Variants in ITPR2 observed in about 807,000 individuals in gnomAD.
The protein encoded by ITPR2 is inositol 1,4,5-trisphosphate receptor type 2.
In ITPR2, 207 loss-of-function variants were observed where a neutral mutation model predicts 317.1. The ratio of observed to expected loss-of-function variants is 0.65; its 90% confidence interval spans 0.58 to 0.73. The LOEUF (loss-of-function observed/expected upper bound fraction) is 0.73, where lower values mean the gene tolerates loss of function less well. Among genes scored for constraint, ITPR2 ranks in the 30% least tolerant of loss-of-function variants. The pLI is 0.00. For synonymous variants in ITPR2, 1,156 were observed against 1,149.1 expected (o/e 1.01, Z -0.12); for missense variants, 2,613 against 3,284.0 (o/e 0.80, Z 4.99).
rs1369942248 is a variant in ITPR2 at position 26,725,725 on chromosome 12, G to C, written c.204C>G (p.Ala68=). ...GCTTTGCTTTCCAATATTGCTTCTG[G>C]GCAGAATATCTGTTCATAGGGCACA... ...FKVCPMNRYS[A]QKQYWKAKQA... Residue 68 remains alanine (A), a synonymous_variant, in exon 3 of 57, where the codon GCC becomes GCG. Coordinates refer to ENST00000381340, the MANE Select transcript of ITPR2 (RefSeq NM_002223.4). The C allele has an allele frequency of 1.2e-6, 2 of 1,613,224 alleles. No individual in the cohort carries two copies.
At chr12:26,746,822 A>ATGTG (rs34449902) in intron 2 of ITPR2, among the ~76,000 whole-genome samples, 4,415 of 147,736 alleles carry the variant, frequency 0.03, 98 homozygotes, top group South Asian at 0.09. Context: ...GGGTGCATGC[A>ATGTG]TGTGTGTGTG....
intron 37 of ITPR2, among the ~76,000 whole-genome samples, chr12:26,529,517 A>T (rs766050127): frequency 1.3e-5 from 2 of 152,042 alleles, no homozygotes; most frequent in African/African-American, 4.8e-5. Flanking sequence ...GAAAACACAA[A>T]CCCATTTCTC....
chr12:26,340,223 A>G lies in ITPR2; in HGVS notation c.7963T>C (p.Ser2655Pro). Reference sequence around the variant, plus strand: ...AGCTGTTTGACCAGACTCATGGTCGATTCCAACTTCTCCTGAAGGCTCCGA... The same window carrying G: ...AGCTGTTTGACCAGACTCATGGTCGGTTCCAACTTCTCCTGAAGGCTCCGA... ...EIRSLQEKLE[S>P]TMSLVKQLSG... The change falls in exon 56 of 57, where the codon TCG becomes CCG. Residue 2655 changes from serine to proline, a missense_variant. Physicochemically the swap from Ser to Pro is moderately conservative, Grantham distance 74 (BLOSUM62 -1). Around this residue, in one of 9 missense-constraint regions of ITPR2, gnomAD observed 119 missense variants for 144.3 expected, o/e 0.82. Transcript: ENST00000381340. 2 of 1,611,156 alleles carry G rather than the reference A, an allele frequency of 1.2e-6. No individual in the cohort carries two copies. The highest frequency in any genetic ancestry group is 1.7e-6 in the Non-Finnish European group (2 of 1,178,776).
At chr12:26,680,009 T>C (rs1397972106) in intron 13 of ITPR2, among the ~76,000 whole-genome samples, 1 of 152,054 alleles carries the variant, frequency 6.6e-6, no homozygotes, top group Non-Finnish European at 1.5e-5. Flanking sequence ...AACCTAATTA[T>C]GACTTGTGGA....
intron 2 of ITPR2, among the ~76,000 whole-genome samples, chr12:26,769,749 T>C (rs939474122): frequency 6.6e-6 from 1 of 152,146 alleles, no homozygotes; most frequent in Admixed American, 6.5e-5. Flanking sequence ...GGGAACTGAT[T>C]TGATATATTA....
intron 1 of ITPR2, among the ~76,000 whole-genome samples, chr12:26,802,889 A>C (rs2067116494): frequency 6.6e-6 from 1 of 152,280 alleles, no homozygotes; most frequent in Middle Eastern, 3.4e-3. Context: ...GCAAACTGAC[A>C]AAATTTGTAA....
At chr12:26,486,684 T>C (rs1942677414) in intron 40 of ITPR2, 1 of 522,980 alleles carries the variant, frequency 1.9e-6, no homozygotes, top group Non-Finnish European at 3.6e-6. Context: ...TCTTTATGAT[T>C]TGTATTTAAT....
chr12:26,443,576 T>C lies in ITPR2; in HGVS notation c.6417A>G (p.Leu2139=). 6.2e-7 allele frequency: 1 copy of C among 1,613,030 alleles called. No individual in the cohort carries two copies. Among genetic ancestry groups the C allele is most frequent in the East Asian group, 2.2e-5 (1 of 44,844 alleles). The part of the protein sequence containing the change: ...GSDPDEGDEA[L]KYYANHTAQI... ...GTGCAGTGTGGTTGGCATAATACTTTAAGGCTTCATCTCCTTCATCTGGAT... is the reference window on the plus strand; with the variant it reads ...GTGCAGTGTGGTTGGCATAATACTTCAAGGCTTCATCTCCTTCATCTGGAT... The change falls in exon 46 of 57, where the codon TTA becomes TTG. Residue 2139 remains leucine (L), a synonymous_variant. Transcript: ENST00000381340.
chr12:26,596,146 A>T (rs1208966243), intron 31 of ITPR2, among the ~76,000 whole-genome samples: 6 of 152,238 alleles, frequency 3.9e-5, no homozygotes, highest in African/African-American at 1.4e-4. Flanking sequence ...AAGCCAGGTA[A>T]ACCTGCAGAG....
chr12:26,531,295 A>G (rs1943936215), intron 37 of ITPR2, among the ~76,000 whole-genome samples: 2 of 152,234 alleles, frequency 1.3e-5, no homozygotes, highest in African/African-American at 2.4e-5. Flanking sequence ...TACTGAGGGT[A>G]ACAGCAGTGA....
At chr12:26,377,774 C>A (rs1405436128) in intron 55 of ITPR2, among the ~76,000 whole-genome samples, 1 of 152,210 alleles carries the variant, frequency 6.6e-6, no homozygotes, top group East Asian at 1.9e-4. Context: ...AGCCTCAATT[C>A]ACATAAAATG....
chr12:26,585,340 T>C (rs957851204), intron 32 of ITPR2, among the ~76,000 whole-genome samples: 5 of 152,190 alleles, frequency 3.3e-5, no homozygotes, highest in African/African-American at 4.8e-5. Flanking sequence ...ATCCATCATA[T>C]AGATATATAA....
intron 26 of ITPR2, among the ~76,000 whole-genome samples, chr12:26,611,490 AGT>A (rs1457435648): frequency 6.6e-6 from 1 of 152,200 alleles, no homozygotes; most frequent in Non-Finnish European, 1.5e-5. Context: ...ACTTTACATC[AGT>A]GAGAGTCTAA....
chr12:26,668,954 C>T (rs1947688434), intron 13 of ITPR2, among the ~76,000 whole-genome samples: 1 of 151,820 alleles, frequency 6.6e-6, no homozygotes, highest in Non-Finnish European at 1.5e-5. Flanking sequence ...CCCGTTTGCA[C>T]AAAACAATTA....
intron 2 of ITPR2, among the ~76,000 whole-genome samples, chr12:26,753,574 G>A (rs1160656226): frequency 6.6e-6 from 1 of 152,158 alleles, no homozygotes; most frequent in Non-Finnish European, 1.5e-5. Flanking sequence ...TTCAGGCAAT[G>A]CTTTCCTCTC....
At chr12:26,832,655 G>A (rs746183172) in intron 1 of ITPR2, 35 bp downstream of exon 1, 3 of 1,494,312 alleles carry the variant, frequency 2.0e-6, no homozygotes, top group Non-Finnish European at 9.2e-7. Context: ...AGGACCCGGA[G>A]CGCGAGCGCT....
Position 26,655,649 on chromosome 12 carries a change from C to T in ITPR2, c.2589+59G>A, listed in dbSNP as rs890564004. On this transcript the variant is annotated intron_variant, in intron 20 of 56. Coordinates refer to ENST00000381340, the MANE Select transcript of ITPR2 (RefSeq NM_002223.4). ...AAAAAAAAAGCAGAGAAAATAATAC[C>T]TTCATGAACTAAACTACCCAGTTAC... is the stretch of plus-strand genomic sequence containing the variant. 9 of 1,324,282 alleles carry T rather than the reference C, an allele frequency of 6.8e-6. No homozygotes were observed. In the Admixed American group the frequency reaches 1.7e-4, roughly 25 times the overall value. 82.0% of individuals were successfully genotyped at this position (1,324,282 alleles called of 1,614,324 possible). A position where few individuals can be genotyped will look rare whatever the true frequency, so the allele number is the denominator to read the frequency against.
chr12:26,733,323 AAAAAAAGAAAAGAAAAGAAAAG>A lies in ITPR2; in HGVS notation c.164-7580_164-7559del, dbSNP rs1949057741. Among the ~76,000 whole-genome samples, 17 of 148,774 alleles carry A rather than the reference AAAAAAAGAAAAGAAAAGAAAAG, an allele frequency of 1.1e-4. No individual in the cohort carries two copies. The South Asian group carries it at 3.6e-3, about 31-fold the overall frequency. On this transcript the variant is annotated intron_variant, in intron 2 of 56. Transcript: ENST00000381340. The stretch of plus-strand genomic sequence containing the variant: ...AGCAAGACTCCATCTCAAAAAAAAA[AAAAAAAGAAAAGAAAAGAAAAG>A]AAAAAAGAAAACCACTGGCCAGAAA...
At chr12:26,439,071 T>A in intron 47 of ITPR2, 56 bp downstream of exon 47, 1 of 1,105,966 alleles carries the variant, frequency 9.0e-7, no homozygotes, top group Non-Finnish European at 1.3e-6. Flanking sequence ...TGTCCCAAAG[T>A]ACCAAATTAT....
Sources: allele counts gnomAD v4.1 joint callset (sites outside exome capture counted in the v4.1 genomes callset), GRCh38; gene constraint gnomAD v4.1.1; regional missense constraint gnomAD v4.1.1; transcripts MANE v1.5; gene names NCBI Gene and HGNC (gene_info 2026-07-23, HGNC 2026-07-21).